The following DLC1 variants were observed in gnomAD, a reference collection of about 807,000 sequenced individuals.
DLC1 encodes the protein rho GTPase-activating protein 7.
DLC1 carries 54 observed loss-of-function variants against 140.3 expected under a neutral mutation model. The ratio of observed to expected loss-of-function variants is 0.38; its 90% CI spans 0.31 to 0.48. DLC1 has a LOEUF of 0.48. Among genes scored for constraint, DLC1 ranks in the 20% least tolerant of loss-of-function variants. DLC1 has a pLI of 0.96. For synonymous variants in DLC1, 986 were observed against 728.1 expected (o/e 1.35, Z -5.70); for missense variants, 2,536 against 1,907.0 (o/e 1.33, Z -6.14).
At chr8:13,348,891 G>C (rs1414244036) in intron 4 of DLC1, among the ~76,000 whole-genome samples, 1 of 152,188 alleles carries the variant, frequency 6.6e-6, no homozygotes, top group Non-Finnish European at 1.5e-5. Flanking sequence ...GTGGGGATGG[G>C]AAGTCAGTAA....
intron 1 of DLC1, among the ~76,000 whole-genome samples, chr8:13,595,633 T>C (rs989990933): frequency 1.3e-5 from 2 of 152,002 alleles, no homozygotes; most frequent in Admixed American, 1.3e-4. Flanking sequence ...TTATTGAGTC[T>C]GGGTGAAAGA....
At chr8:13,221,724 GTGTA>G (rs1480291174) in intron 5 of DLC1, among the ~76,000 whole-genome samples, 53 of 132,970 alleles carry the variant, frequency 4.0e-4, no homozygotes, top group African/African-American at 1.5e-3. Flanking sequence ...GTGTGTGTGT[GTGTA>G]TATATATATA....
intron 2 of DLC1, among the ~76,000 whole-genome samples, chr8:13,435,661 G>A (rs1188548457): frequency 1.3e-5 from 2 of 152,156 alleles, no homozygotes; most frequent in East Asian, 1.9e-4. Flanking sequence ...CTTTCAGATG[G>A]CATCTACTCC....
chr8:13,264,724 T>A (rs1301408768), intron 5 of DLC1, among the ~76,000 whole-genome samples: 1 of 152,226 alleles, frequency 6.6e-6, no homozygotes, highest in South Asian at 2.1e-4. Context: ...AGTAAAATAA[T>A]CTTGGTATTA....
chr8:13,351,972 G>C lies in DLC1; in HGVS notation c.1314+41581C>G, dbSNP rs192223396. On this transcript the variant is annotated intron_variant, in intron 4 of 17. Coordinates refer to ENST00000276297, the MANE Select transcript of DLC1 (RefSeq NM_182643.3). ...TGGTCTCGAACTGCTGACCTCAGGT[G>C]ATCTGCCCGCCTTGGCCTCCCAAAG... Among the ~76,000 whole-genome samples the C allele has an allele frequency of 2.3e-4, 35 of 152,330 alleles. No homozygotes were observed. In the East Asian group the frequency reaches 5.4e-3, roughly 23 times the overall value.
At chr8:13,503,582 A>G in intron 1 of DLC1, among the ~76,000 whole-genome samples, 1 of 152,202 alleles carries the variant, frequency 6.6e-6, no homozygotes, top group East Asian at 1.9e-4. Flanking sequence ...GAGCTTGATA[A>G]TAATTACTAC....
intron 2 of DLC1, among the ~76,000 whole-genome samples, chr8:13,435,617 A>G (rs145099037): frequency 0.011 from 1,613 of 152,264 alleles, 17 homozygotes; most frequent in Non-Finnish European, 0.014. Flanking sequence ...CCCAGCGAGG[A>G]GTTGTTTCTT....
At position 13,214,845 on chromosome 8, in the gene DLC1, A is replaced by T. The variant is rs865959963; in HGVS notation, c.1348+90424T>A. ...ATTTGAGTGCTGGTGGCAATCAATG[A>T]GTGGCAATAGATGGGTCTCATGACA... On this transcript the variant is annotated intron_variant, in intron 5 of 17. Transcript: ENST00000276297. The T allele has an allele frequency of 6.6e-6, 5 of 755,236 alleles. No individual in the cohort carries two copies. In the African/African-American group the frequency reaches 6.8e-5, roughly 10 times the overall value. 46.8% of individuals were successfully genotyped at this position (755,236 alleles called of 1,614,324 possible). A position where few individuals can be genotyped will look rare whatever the true frequency, so the allele number is the denominator to read the frequency against.
In DLC1 at chr8:13,170,065, A is replaced by C. The variant is rs1231335438; in HGVS notation, c.1349-54408T>G. Among the ~76,000 whole-genome samples the C allele has an allele frequency of 2.0e-5, 3 of 152,188 alleles. No homozygotes were observed. In the East Asian group the frequency reaches 5.8e-4, roughly 29 times the overall value. On this transcript the variant is annotated intron_variant, in intron 5 of 17. Coordinates refer to ENST00000276297, the MANE Select transcript of DLC1 (RefSeq NM_182643.3). ...AAATTAGAGGAATATTTCATGCTTT[A>C]GGTCCCCTGAGCTCGAAAATTCTGT...
chr8:13,231,217 A>G (rs1428610474), intron 5 of DLC1, among the ~76,000 whole-genome samples: 1 of 151,832 alleles, frequency 6.6e-6, no homozygotes, highest in African/African-American at 2.4e-5. Context: ...TGACAGGAAG[A>G]TGAAAAAAAA....
intron 1 of DLC1, chr8:13,558,833 C>T (rs1804144391): frequency 1.3e-5 from 2 of 152,122 alleles, no homozygotes; most frequent in Admixed American, 1.3e-4. Context: ...CTATATTTGA[C>T]ATAGATGAGT....
intron 5 of DLC1, among the ~76,000 whole-genome samples, chr8:13,163,301 T>C (rs1186486443): frequency 6.6e-6 from 1 of 152,188 alleles, no homozygotes; most frequent in Non-Finnish European, 1.5e-5. Flanking sequence ...ATTGGTAAAT[T>C]GCATGCTCAG....
rs768774390 is a variant in DLC1 at position 13,095,140 on chromosome 8, C to G, written c.3273G>C (p.Leu1091Phe). 6.8e-6 allele frequency: 11 copies of G among 1,614,144 alleles called. No homozygotes were observed. Among genetic ancestry groups the G allele is most frequent in the Non-Finnish European group, 7.6e-6 (9 of 1,180,056 alleles). Residue 1091 changes from leucine to phenylalanine, a missense_variant, in exon 11 of 18, where the codon TTG (leucine) becomes TTC (phenylalanine). Physicochemically the swap from Leu to Phe is conservative, Grantham distance 22. Transcript: ENST00000276297. ...GCATGGCCTGCTGGATGCTCTGAGG[C>G]AACGGTTGTCCTGTGCGCTGCACGT... is the stretch of plus-strand genomic sequence containing the variant. ...TVNVQRTGQP[L>F]PQSIQQAMRY...
chr8:13,415,615 G>A (rs1446532932), intron 2 of DLC1, among the ~76,000 whole-genome samples: 3 of 151,892 alleles, frequency 2.0e-5, no homozygotes, highest in African/African-American at 4.8e-5. Context: ...TAGCCAGGAT[G>A]GTCTCGATCA....
At chr8:13,410,190 T>C (rs931814505) in intron 2 of DLC1, among the ~76,000 whole-genome samples, 1 of 151,970 alleles carries the variant, frequency 6.6e-6, no homozygotes, top group Non-Finnish European at 1.5e-5. Context: ...AAATTAAAAT[T>C]AAAAAAACCT....
At chr8:13,524,466 G>T (rs969058963) in intron 1 of DLC1, among the ~76,000 whole-genome samples, 1 of 151,964 alleles carries the variant, frequency 6.6e-6, no homozygotes, top group African/African-American at 2.4e-5. Context: ...GTTGCTTTTC[G>T]CTATGTATTT....
At chr8:13,364,198 G>A (rs2117088334) in intron 4 of DLC1, among the ~76,000 whole-genome samples, 1 of 152,202 alleles carries the variant, frequency 6.6e-6, no homozygotes, top group South Asian at 2.1e-4. Context: ...ACTCTACATA[G>A]AATGTCAGCC....
chr8:13,087,112 C>T (rs148225749), intron 16 of DLC1, among the ~76,000 whole-genome samples: 250 of 152,206 alleles, frequency 1.6e-3, no homozygotes, highest in African/African-American at 5.9e-3. Context: ...GCAAAAAGAC[C>T]CTCATTAGGC....
chr8:13,581,580 C>G (rs10112936), intron 1 of DLC1, among the ~76,000 whole-genome samples: 21,433 of 152,226 alleles, frequency 0.14, 1,862 homozygotes, highest in African/African-American at 0.24. Flanking sequence ...TTTATATCCA[C>G]TGTCACCCAC....
Sources: gnomAD v4.1 joint callset for allele counts (sites outside exome capture counted in the v4.1 genomes callset) on GRCh38, gnomAD v4.1.1 for gene constraint, MANE v1.5 for transcripts, NCBI Gene and HGNC (gene_info 2026-07-23, HGNC 2026-07-21) for gene names.